The following SWT1 variants were observed in gnomAD, a reference collection of about 807,000 sequenced individuals.
SWT1 encodes the protein transcriptional protein SWT1.
A neutral mutation model predicts 107.3 loss-of-function variants in SWT1; 33 were observed. The observed-to-expected ratio is 0.31, with a 90% CI of 0.23 to 0.41. The LOEUF (loss-of-function observed/expected upper bound fraction) is 0.41, where lower values mean the gene tolerates loss of function less well. Among genes scored for constraint, SWT1 ranks in the 10% least tolerant of loss-of-function variants. The probability of loss-of-function intolerance (pLI) is 1.00; values close to 1 mark genes in which losing one functional copy is unlikely to be tolerated. For synonymous variants in SWT1, 345 were observed against 348.3 expected, an observed-to-expected ratio of 0.99 and a Z score of 0.11; for missense variants, 898 against 1,028.9, an observed-to-expected ratio of 0.87 and a Z score of 1.74.
intron 16 of SWT1, among the ~76,000 whole-genome samples, chr1:185,258,555 G>T (rs996414944): frequency 6.6e-6 from 1 of 151,754 alleles, no homozygotes; most frequent in Non-Finnish European, 1.5e-5. Flanking sequence ...TTTTTATTTT[G>T]CTTTCATTCT....
chr1:185,245,524 G>C (rs1361653447), intron 16 of SWT1, among the ~76,000 whole-genome samples: 1 of 152,114 alleles, frequency 6.6e-6, no homozygotes, highest in East Asian at 1.9e-4. Flanking sequence ...AAGTATAGTA[G>C]AGTAAATATA....
chr1:185,174,492 T>C lies in SWT1; in HGVS notation c.345T>C (p.Pro115=), dbSNP rs1210864782. 1 of 1,611,236 alleles carries C rather than the reference T, an allele frequency of 6.2e-7. No homozygotes were observed. Among genetic ancestry groups the C allele is most frequent in the South Asian group, 1.1e-5 (1 of 90,174 alleles). The change falls in exon 5 of 19, where the codon CCT becomes CCC. Residue 115 remains proline (P), a synonymous_variant. Coordinates refer to ENST00000367500, the MANE Select transcript of SWT1 (RefSeq NM_017673.7). ...SNDNQIILQS[P]SSNGTKKDIH... ...ATAATCAAATTATTTTGCAGAGTCC[T>C]TCTTCAAATGGAACTAAAAAAGACA... is the stretch of plus-strand genomic sequence containing the variant.
At chr1:185,167,781 G>A (rs1444899754) in intron 3 of SWT1, among the ~76,000 whole-genome samples, 1 of 151,930 alleles carries the variant, frequency 6.6e-6, no homozygotes, top group African/African-American at 2.4e-5. Flanking sequence ...TTCTCAGAAT[G>A]CCTTCTTTTA....
chr1:185,180,559 G>C (rs1655938714), intron 6 of SWT1, 109 bp downstream of exon 6: 1 of 778,728 alleles, frequency 1.3e-6, no homozygotes, highest in South Asian at 1.6e-5. Context: ...AAATAACAAT[G>C]ATGTCTCTAT....
intron 10 of SWT1, among the ~76,000 whole-genome samples, chr1:185,196,510 A>G (rs974367224): frequency 6.6e-6 from 1 of 152,170 alleles, no homozygotes; most frequent in Non-Finnish European, 1.5e-5. Flanking sequence ...TAGTTTTTCT[A>G]ATTCTGTGAA....
chr1:185,219,445 T>C (rs1659465307), intron 14 of SWT1, among the ~76,000 whole-genome samples: 1 of 152,206 alleles, frequency 6.6e-6, no homozygotes, highest in Non-Finnish European at 1.5e-5. Context: ...TAACTGTTAC[T>C]ACTGATAGTA....
At position 185,204,756 on chromosome 1, in the gene SWT1, A is replaced by G. The variant is rs150605878; in HGVS notation, c.1726A>G (p.Ile576Val). 6.2e-7 allele frequency: 1 copy of G among 1,602,504 alleles called. No homozygotes were observed. The highest frequency in any genetic ancestry group is 8.5e-7 in the Non-Finnish European group (1 of 1,175,072). Reference protein sequence around the residue: ...KEESTNSGLSILLESIVSDLE... With the variant: ...KEESTNSGLSVLLESIVSDLE... ...GGAATCTACAAATTCTGGACTGTCC[A>G]TTCTGCTTGAGAGCATTGTATCTGA... is the stretch of plus-strand genomic sequence containing the variant. Residue 576 changes from isoleucine to valine, a missense_variant, in exon 12 of 19, where the codon ATT (isoleucine) becomes GTT (valine). Coordinates refer to ENST00000367500, the MANE Select transcript of SWT1 (RefSeq NM_017673.7).
chr1:185,264,517 G>A (rs1663241797), intron 16 of SWT1: 3 of 948,536 alleles, frequency 3.2e-6, no homozygotes, highest in Non-Finnish European at 3.8e-6. Context: ...ATTTTATTGG[G>A]CCAAGAATTT....
intron 16 of SWT1, among the ~76,000 whole-genome samples, chr1:185,235,109 A>C (rs1425247184): frequency 6.6e-6 from 1 of 152,222 alleles, no homozygotes; most frequent in East Asian, 1.9e-4. Flanking sequence ...GACTAGACAG[A>C]TTCACAGCTG....
At chr1:185,228,689 G>A (rs183034800) in intron 15 of SWT1, among the ~76,000 whole-genome samples, 7 of 152,192 alleles carry the variant, frequency 4.6e-5, no homozygotes, top group East Asian at 1.9e-4. Flanking sequence ...TGATCATGAC[G>A]CCTTAAGAGG....
chr1:185,242,769 A>T (rs962076142), intron 16 of SWT1, among the ~76,000 whole-genome samples: 38 of 152,132 alleles, frequency 2.5e-4, no homozygotes, highest in African/African-American at 8.2e-4. Flanking sequence ...TTCTTGTTTT[A>T]TACCTGACTA....
At chr1:185,183,878 C>G (rs1000983883) in intron 7 of SWT1, among the ~76,000 whole-genome samples, 5 of 152,290 alleles carry the variant, frequency 3.3e-5, no homozygotes, top group African/African-American at 1.2e-4. Context: ...AAAACATTCT[C>G]CATGGCTGGT....
At chr1:185,226,700 T>A (rs910164464) in intron 15 of SWT1, 3 of 447,812 alleles carry the variant, frequency 6.7e-6, no homozygotes, top group East Asian at 3.5e-5. Flanking sequence ...AAACAAAAGC[T>A]TCCCTGCTAT....
At chr1:185,255,222 G>A (rs1158198703) in intron 16 of SWT1, among the ~76,000 whole-genome samples, 1 of 151,960 alleles carries the variant, frequency 6.6e-6, no homozygotes, top group African/African-American at 2.4e-5. Flanking sequence ...TTTTGGAATA[G>A]GTGTGGTGTG....
At chr1:185,206,153 T>C (rs1658317371) in intron 12 of SWT1, among the ~76,000 whole-genome samples, 1 of 152,126 alleles carries the variant, frequency 6.6e-6, no homozygotes, top group Non-Finnish European at 1.5e-5. Flanking sequence ...GCTATGGGGT[T>C]TCACCATGTT....
intron 18 of SWT1, among the ~76,000 whole-genome samples, chr1:185,287,984 A>G (rs1387220458): frequency 1.3e-5 from 2 of 152,222 alleles, no homozygotes; most frequent in African/African-American, 2.4e-5. Flanking sequence ...AAATAGATTC[A>G]AAAGTCTAGT....
intron 16 of SWT1, among the ~76,000 whole-genome samples, chr1:185,242,430 A>T (rs1661311148): frequency 6.6e-6 from 1 of 152,080 alleles, no homozygotes; most frequent in African/African-American, 2.4e-5. Flanking sequence ...TAAAACTCTT[A>T]TCTGTGTTTC....
At chr1:185,212,973 G>T (rs796776236) in intron 13 of SWT1, among the ~76,000 whole-genome samples, 46 of 152,198 alleles carry the variant, frequency 3.0e-4, no homozygotes, top group African/African-American at 1.0e-3. Context: ...AAATTGTGTG[G>T]AAAATGACTA....
intron 2 of SWT1, among the ~76,000 whole-genome samples, chr1:185,161,239 G>T (rs1432075664): frequency 2.0e-5 from 3 of 152,088 alleles, no homozygotes; most frequent in Admixed American, 6.6e-5. Context: ...CTCATTCTTA[G>T]CGATAACTCA....
Sources: gnomAD v4.1 joint callset for allele counts (sites outside exome capture counted in the v4.1 genomes callset) on GRCh38, gnomAD v4.1.1 for gene constraint, MANE v1.5 for transcripts, NCBI Gene and HGNC (gene_info 2026-07-23, HGNC 2026-07-21) for gene names.